The following GCNT4 variants were observed in gnomAD, a reference collection of about 807,000 sequenced individuals.
GCNT4 encodes glucosaminyl (N-acetyl) transferase 4.
A neutral mutation model predicts 31.3 loss-of-function variants in GCNT4; 17 were observed. That is an observed-to-expected ratio of 0.54 (90% CI 0.37 to 0.81). The LOEUF is 0.81. GCNT4 is among the 40% of genes least tolerant of loss of function. The probability of loss-of-function intolerance (pLI) is 0.00; values close to 1 mark genes in which losing one functional copy is unlikely to be tolerated. For synonymous variants in GCNT4, 158 were observed against 190.6 expected (o/e 0.83, Z 1.41); for missense variants, 503 against 525.5 (o/e 0.96, Z 0.42).
rs1397601078 is a variant in GCNT4 at position 75,029,856 on chromosome 5, G to A, written c.182C>T (p.Thr61Ile). 1.2e-6 allele frequency: 2 copies of A among 1,614,118 alleles called. No individual in the cohort carries two copies. Among genetic ancestry groups the A allele is most frequent in the East Asian group, 2.2e-5 (1 of 44,870 alleles). ...STSPFVRNRY[T>I]HVKDEVRYEV... is the part of the protein sequence containing the mutation. ...ATACCTGACTTCATCCTTAACATGA[G>A]TGTATCTGTTTCTTACAAAAGGCGA... The change falls in exon 4 of 4, where the codon ACT becomes ATT. Residue 61 changes from threonine (T) to isoleucine (I), a missense_variant. Thr to Ile is a moderately conservative substitution (Grantham distance 89, BLOSUM62 -1). Transcript: ENST00000652361.
At position 75,029,409 on chromosome 5, in the gene GCNT4, A is replaced by G; in HGVS notation, c.629T>C (p.Leu210Ser). 1 of 1,614,198 alleles carries G rather than the reference A, an allele frequency of 6.2e-7. No homozygotes were observed. The highest frequency in any genetic ancestry group is 1.1e-5 in the South Asian group (1 of 91,080). Residue 210 changes from leucine to serine, a missense_variant, in exon 4 of 4, where the codon TTG (leucine) becomes TCG (serine). Leu to Ser is a moderately radical substitution (Grantham distance 145). Coordinates refer to ENST00000652361, the MANE Select transcript of GCNT4 (RefSeq NM_001366737.1). ...GATTGAAGACTTCAGAAGGTCCGAC[A>G]AGCAATTTAAATCAGCCTGGAGTCT... Reference protein sequence around the residue: ...ISRLQADLNCLSDLLKSSIQW... With the variant: ...ISRLQADLNCSSDLLKSSIQW...
downstream of GCNT4, among the ~76,000 whole-genome samples, chr5:75,021,445 T>C (rs1337635029): frequency 6.6e-6 from 1 of 152,166 alleles, no homozygotes; most frequent in Non-Finnish European, 1.5e-5. Context: ...TTGGCCCAGC[T>C]TGGGTCACGT....
intron 3 of GCNT4, among the ~76,000 whole-genome samples, chr5:75,034,412 A>T (rs538393344): frequency 1.9e-4 from 29 of 152,226 alleles, no homozygotes; most frequent in Non-Finnish European, 3.8e-4. Context: ...GTCTGACCAG[A>T]GTCAGCTGGG....
chr5:75,041,648 C>T (rs532195084), intron 3 of GCNT4, among the ~76,000 whole-genome samples: 7 of 152,268 alleles, frequency 4.6e-5, no homozygotes, highest in Admixed American at 3.9e-4. Flanking sequence ...ACGCATAGAC[C>T]TCTCAAGGTC....
At chr5:75,017,213 T>A in the GCNT4 span, among the ~76,000 whole-genome samples, 1 of 152,180 alleles carries the variant, frequency 6.6e-6, no homozygotes, top group African/African-American at 2.4e-5. Context: ...CAACATCTTT[T>A]TCAGATTTAT....
intron 3 of GCNT4, among the ~76,000 whole-genome samples, chr5:75,037,463 C>T (rs181358957): frequency 1.2e-4 from 18 of 152,268 alleles, no homozygotes; most frequent in Admixed American, 2.0e-4. Flanking sequence ...CACAAGGAGA[C>T]GTATGACTCG....
chr5:75,033,673 ATT>A (rs772607869), intron 3 of GCNT4, among the ~76,000 whole-genome samples: 2 of 145,430 alleles, frequency 1.4e-5, no homozygotes, highest in Non-Finnish European at 3.0e-5. Context: ...TTATTTATTT[ATT>A]TTTTTTTTTT....
At chr5:75,044,608 G>A (rs1401387267) in intron 3 of GCNT4, among the ~76,000 whole-genome samples, 1 of 151,990 alleles carries the variant, frequency 6.6e-6, no homozygotes, top group African/African-American at 2.4e-5. Flanking sequence ...AGCATTTGAA[G>A]CAGCCCAGTG....
chr5:75,048,507 C>T (rs1435229581), intron 2 of GCNT4, among the ~76,000 whole-genome samples: 2 of 152,164 alleles, frequency 1.3e-5, no homozygotes, highest in Admixed American at 6.5e-5. Flanking sequence ...GCACGAGTCA[C>T]AGTTTAGTTC....
Position 75,027,342 on chromosome 5 carries a change from A to G in GCNT4, c.*1334T>C, listed in dbSNP as rs1420549336. ...TATAATATATATTCATATACAATAT[A>G]TGTATATATAATATATATATTTATA... On this transcript the variant is annotated 3_prime_UTR_variant, in exon 4 of 4. Coordinates refer to ENST00000652361, the MANE Select transcript of GCNT4 (RefSeq NM_001366737.1). 2 of 40,220 alleles carry G rather than the reference A, an allele frequency of 5.0e-5. No individual in the cohort carries two copies. The highest frequency in any genetic ancestry group is 1.3e-4 in the African/African-American group (1 of 7,570). 2.5% of individuals were successfully genotyped at this position (40,220 alleles called of 1,614,324 possible). A position where few individuals can be genotyped will look rare whatever the true frequency, so the allele number is the denominator to read the frequency against.
intron 3 of GCNT4, among the ~76,000 whole-genome samples, chr5:75,034,687 T>C (rs530485703): frequency 6.6e-6 from 1 of 152,328 alleles, no homozygotes; most frequent in East Asian, 1.9e-4. Flanking sequence ...TAGGCACAAG[T>C]TCCTAGTGAT....
downstream of GCNT4, among the ~76,000 whole-genome samples, chr5:75,024,531 G>A (rs1011692087): frequency 6.6e-6 from 1 of 152,092 alleles, no homozygotes; most frequent in Non-Finnish European, 1.5e-5. Context: ...CAGCGGGTGG[G>A]GGTTGATGAT....
chr5:75,021,136 G>A (rs576863514), downstream of GCNT4, among the ~76,000 whole-genome samples: 11 of 152,244 alleles, frequency 7.2e-5, no homozygotes, highest in Admixed American at 5.2e-4. Flanking sequence ...ATGATTGATT[G>A]ACTGCCTTGA....
rs1165773819 is a variant in GCNT4, at chr5:75,027,401, ATATAT to A, written c.*1270_*1274del. On this transcript the variant is annotated 3_prime_UTR_variant, in exon 4 of 4. Transcript: ENST00000652361. ...ATGTAATGGAATTGTTCTATATATA[ATATAT>A]AACATAAATATATATTACATATATA... is the stretch of plus-strand genomic sequence containing the variant. 2 of 142,730 alleles carry A rather than the reference ATATAT, an allele frequency of 1.4e-5. No individual in the cohort carries two copies. Among genetic ancestry groups the A allele is most frequent in the East Asian group, 3.9e-4 (2 of 5,118 alleles). 8.8% of individuals were successfully genotyped at this position (142,730 alleles called of 1,614,324 possible).
chr5:75,032,922 T>TGTGTGTGTGTGTGTGA (rs1365905626), intron 3 of GCNT4, among the ~76,000 whole-genome samples: 4 of 145,804 alleles, frequency 2.7e-5, no homozygotes, highest in Admixed American at 6.9e-5. Context: ...TGTGTGTGTG[T>TGTGTGTGTGTGTGTGA]GATTAATTCA....
downstream of GCNT4, among the ~76,000 whole-genome samples, chr5:75,024,727 G>C (rs1189569587): frequency 6.6e-6 from 1 of 152,048 alleles, no homozygotes; most frequent in Non-Finnish European, 1.5e-5. Flanking sequence ...CACTTTGGGA[G>C]GATCACGAGG....
rs970976409 is a variant in GCNT4, at chr5:75,029,752, T to G, written c.286A>C (p.Ile96Leu). The change falls in exon 4 of 4, where the codon ATT becomes CTT. Residue 96 changes from isoleucine to leucine, a missense_variant. By Grantham distance (5) the Ile-to-Leu change is conservative. Transcript: ENST00000652361. The stretch of plus-strand genomic sequence containing the variant: ...ACAACATCATCATCCTCCAAGTCAA[T>G]GATGTCCCTTCTTCTTATTTCCAGA... ...KSLEIRRRDI[I>L]DLEDDDVVAM... is the part of the protein sequence containing the mutation. The G allele has an allele frequency of 2.5e-6, 4 of 1,614,152 alleles. No individual in the cohort carries two copies. The highest frequency in any genetic ancestry group is 3.3e-4 in the Middle Eastern group (2 of 6,060).
intron 3 of GCNT4, among the ~76,000 whole-genome samples, chr5:75,032,881 GT>G (rs1743100654): frequency 2.8e-5 from 2 of 71,008 alleles, no homozygotes; most frequent in Non-Finnish European, 5.4e-5. Context: ...GGGTGTGTGT[GT>G]GTGTGTGTGT....
Position 75,029,844 on chromosome 5 carries a change from T to A in GCNT4, c.194A>T (p.Asp65Val). The A allele has an allele frequency of 6.2e-7, 1 of 1,614,134 alleles. No individual in the cohort carries two copies. Among genetic ancestry groups the A allele is most frequent in the Non-Finnish European group, 8.5e-7 (1 of 1,179,998 alleles). ...ACAGTTAACTTCATACCTGACTTCA[T>A]CCTTAACATGAGTGTATCTGTTTCT... ...FVRNRYTHVK[D>V]EVRYEVNCSG... Residue 65 changes from aspartate to valine, a missense_variant, in exon 4 of 4, where the codon GAT becomes GTT. Coordinates refer to ENST00000652361, the MANE Select transcript of GCNT4 (RefSeq NM_001366737.1).
Sources: gnomAD v4.1 joint callset for allele counts (sites outside exome capture counted in the v4.1 genomes callset) on GRCh38, gnomAD v4.1.1 for gene constraint, MANE v1.5 for transcripts, NCBI Gene and HGNC (gene_info 2026-07-23, HGNC 2026-07-21) for gene names.